The following GIPC1 variants were observed in gnomAD, a reference collection of about 807,000 sequenced individuals.
GIPC1 encodes PDZ domain-containing protein GIPC1.
In GIPC1, 15 loss-of-function variants were observed where a neutral mutation model predicts 28.5. The observed-to-expected ratio is 0.53, with a 90% CI of 0.35 to 0.81. The LOEUF (loss-of-function observed/expected upper bound fraction) is 0.81. Among genes scored for constraint, GIPC1 ranks in the 30% least tolerant of loss-of-function variants. The pLI is 0.01. For missense variants in GIPC1, 439 were observed against 481.9 expected, an observed-to-expected ratio of 0.91 and a Z score of 0.83; for synonymous variants, 224 against 206.1, an observed-to-expected ratio of 1.09 and a Z score of -0.74.
chr19:14,478,819 T>A lies in GIPC1; in HGVS notation c.769-54A>T. The A allele has an allele frequency of 7.7e-7, 1 of 1,293,814 alleles. No individual in the cohort carries two copies. Among genetic ancestry groups the A allele is most frequent in the Non-Finnish European group, 1.1e-6 (1 of 888,508 alleles). The allele number at this position is 1,293,814 out of a possible 1,614,324, so 80.1% of individuals were successfully genotyped here. A position where few individuals can be genotyped will look rare whatever the true frequency, so the allele number is the denominator to read the frequency against. On this transcript the variant is annotated intron_variant, in intron 7 of 8. Transcript: ENST00000393033. This position sits in a 1 kb window ranked among gnomAD's most constrained non-coding sequence, Gnocchi z 5.2. ...ATCATAACAATGTGAATATACATAG[T>A]AATTGGACGGACTGCCATTGTCACC...
At chr19:14,492,189 G>A (rs746479756) in intron 2 of GIPC1, among the ~76,000 whole-genome samples, 21 of 152,348 alleles carry the variant, frequency 1.4e-4, no homozygotes, top group Admixed American at 4.6e-4. Flanking sequence ...ATAGCTGTGT[G>A]ACTTTGGGCA....
Position 14,480,594 on chromosome 19 carries a change from T to C in GIPC1, c.473A>G (p.Lys158Arg), listed in dbSNP as rs779022604. 4 of 1,613,766 alleles carry C rather than the reference T, an allele frequency of 2.5e-6. No individual in the cohort carries two copies. Among genetic ancestry groups the C allele is most frequent in the Non-Finnish European group, 3.4e-6 (4 of 1,179,754 alleles). Residue 158 changes from lysine (K) to arginine (R), a missense_variant and splice_region_variant, in exon 5 of 9, where the codon AAG (lysine) becomes AGG (arginine). Transcript: ENST00000393033. ...GGGGTGCCCCGTCTCCCCAGGCACC[T>C]TGATGAAGGCGTAGCCAGCCCCGTT... Reference protein sequence around the residue: ...TDNGAGYAFIKRIKEGSVIDH... With the variant: ...TDNGAGYAFIRRIKEGSVIDH...
chr19:14,479,575 G>A lies in GIPC1; in HGVS notation c.656-51C>T, dbSNP rs80135630. 1.9e-3 allele frequency: 1,792 copies of A among 938,646 alleles called. 27 individuals are homozygous for A. The African/African-American group carries it at 0.026, about 14-fold the overall frequency. 58.1% of individuals were successfully genotyped at this position (938,646 alleles called of 1,614,324 possible). The stretch of plus-strand genomic sequence containing the variant: ...TGTGGGGGAAGCTTGGTTTTAGCAC[G>A]TTCTGGGCAGGAACTTGTCCTTCCT... On this transcript the variant is annotated intron_variant, in intron 6 of 8. Transcript: ENST00000393033.
chr19:14,478,263 G>T lies in GIPC1; in HGVS notation c.*153C>A. 2.7e-6 allele frequency: 2 copies of T among 738,964 alleles called. No individual in the cohort carries two copies. Among genetic ancestry groups the T allele is most frequent in the South Asian group, 1.9e-5 (1 of 52,398 alleles). 45.8% of individuals were successfully genotyped at this position (738,964 alleles called of 1,614,324 possible). A position where few individuals can be genotyped will look rare whatever the true frequency, so the allele number is the denominator to read the frequency against. ...GGGAGGGGATGGTACCGATTGGAGCGGGGCAGGGGGCCTGGCCCCACCTCC... is the reference window on the plus strand; with the variant it reads ...GGGAGGGGATGGTACCGATTGGAGCTGGGCAGGGGGCCTGGCCCCACCTCC... On this transcript the variant is annotated 3_prime_UTR_variant, in exon 9 of 9. Coordinates refer to ENST00000393033, the MANE Select transcript of GIPC1 (RefSeq NM_005716.4). This position sits in a 1 kb window ranked among gnomAD's most constrained non-coding sequence, Gnocchi z 5.2.
chr19:14,480,614 C>T lies in GIPC1; in HGVS notation c.453G>A (p.Gly151=), dbSNP rs1168467707. The part of the protein sequence containing the change: ...DALGLTITDN[G]AGYAFIKRIK... ...GCACCTTGATGAAGGCGTAGCCAGC[C>T]CCGTTGTCCGTGATGGTGAGCCCGA... Residue 151 remains glycine, a synonymous_variant, in exon 5 of 9, where the codon GGG becomes GGA. Coordinates refer to ENST00000393033, the MANE Select transcript of GIPC1 (RefSeq NM_005716.4). 6.2e-7 allele frequency: 1 copy of T among 1,614,146 alleles called. No homozygotes were observed.
At chr19:14,480,839 T>A in intron 4 of GIPC1, 61 bp from the exon 5 acceptor site, 3 of 1,217,874 alleles carry the variant, frequency 2.5e-6, no homozygotes, top group South Asian at 2.7e-5. Context: ...TAATCACCAC[T>A]GGAGGGCGAA....
intron 3 of GIPC1, among the ~76,000 whole-genome samples, chr19:14,488,917 T>G (rs2071904212): frequency 6.8e-6 from 1 of 147,324 alleles, no homozygotes; most frequent in Non-Finnish European, 1.5e-5. Flanking sequence ...AGGTAACAGG[T>G]TGCTATGTTT....
chr19:14,481,398 T>C (rs1469469086), intron 4 of GIPC1, among the ~76,000 whole-genome samples: 1 of 152,172 alleles, frequency 6.6e-6, no homozygotes. Context: ...TGTGCACCAC[T>C]GTACCCAGCT....
In GIPC1 at chr19:14,479,425, G is replaced by T; in HGVS notation, c.755C>A (p.Thr252Lys). The change falls in exon 7 of 9, where the codon ACG (threonine) becomes AAG (lysine). Residue 252 changes from threonine (T) to lysine (K), a missense_variant. Thr to Lys is a moderately conservative substitution (Grantham distance 78). Transcript: ENST00000393033. ...TLRLRSRGPA[T>K]VEDLPSAFEE... ...TGGAGCACTCACCAGATCCTCCACC[G>T]TGGCGGGGCCCCGGGATCGGAGCCG... The T allele has an allele frequency of 7.1e-7, 1 of 1,406,666 alleles. No homozygotes were observed. Among genetic ancestry groups the T allele is most frequent in the Non-Finnish European group, 9.3e-7 (1 of 1,073,058 alleles). 87.1% of individuals were successfully genotyped at this position (1,406,666 alleles called of 1,614,324 possible).
At position 14,478,708 on chromosome 19, in the gene GIPC1, T is replaced by G; in HGVS notation, c.826A>C (p.Met276Leu). The G allele has an allele frequency of 1.2e-6, 2 of 1,613,670 alleles. No homozygotes were observed. The highest frequency in any genetic ancestry group is 1.7e-6 in the Non-Finnish European group (2 of 1,179,848). Reference protein sequence around the residue: ...EKVDDLLESYMGIRDTELAAT... With the variant: ...EKVDDLLESYLGIRDTELAAT... ...CCCAGCTCCGTGTCCCTGATACCCA[T>G]GTAACTCTCCAGCAGGTCATCCACC... Residue 276 changes from methionine to leucine, a missense_variant, in exon 8 of 9, where the codon ATG (methionine) becomes CTG (leucine). By Grantham distance (15) the Met-to-Leu change is conservative. Transcript: ENST00000393033. The surrounding 1 kb of genome is among the most constrained non-coding windows in gnomAD (Gnocchi z 5.2).
chr19:14,484,613 G>T (rs1568364302), intron 3 of GIPC1, among the ~76,000 whole-genome samples: 1 of 151,900 alleles, frequency 6.6e-6, no homozygotes, highest in East Asian at 2.0e-4. Context: ...GGGTGTGGTG[G>T]CATGTGCCTG....
At chr19:14,489,612 A>G (rs1182713447) in intron 3 of GIPC1, 5 of 1,118,238 alleles carry the variant, frequency 4.5e-6, no homozygotes, top group Non-Finnish European at 6.9e-6. Context: ...CCTTGGAATG[A>G]GTATAAATAA....
intron 6 of GIPC1, chr19:14,479,958 G>A (rs2071688710): frequency 2.1e-6 from 1 of 469,908 alleles, no homozygotes. Flanking sequence ...GCCCATTCCT[G>A]AGAGTTAGTG....
chr19:14,480,127 C>A (rs1384260396), intron 6 of GIPC1, 178 bp downstream of exon 6: 1 of 610,966 alleles, frequency 1.6e-6, no homozygotes, highest in Non-Finnish European at 2.9e-6. Context: ...TTCTCCCAGG[C>A]TGGGCCAAGG....
chr19:14,480,865 G>A (rs1332283416), intron 4 of GIPC1, 87 bp from the exon 5 acceptor site: 2 of 951,626 alleles, frequency 2.1e-6, no homozygotes, highest in South Asian at 1.5e-5. Context: ...AGAGCTGGGA[G>A]AGGACTAGGG....
At chr19:14,479,222 G>A (rs1340782435) in intron 7 of GIPC1, among the ~76,000 whole-genome samples, 190 bp downstream of exon 7, 1 of 152,112 alleles carries the variant, frequency 6.6e-6, no homozygotes, top group Non-Finnish European at 1.5e-5. Context: ...CATGGTGGTG[G>A]GCACCTGTAA....
intron 4 of GIPC1, chr19:14,482,212 T>C (rs2071743539): frequency 5.3e-6 from 1 of 187,564 alleles, no homozygotes; most frequent in African/African-American, 2.5e-5. Flanking sequence ...TCGTCAGTTT[T>C]GCACAATCGA....
chr19:14,490,557 A>G (rs1465063494), intron 3 of GIPC1, among the ~76,000 whole-genome samples: 108 of 151,318 alleles, frequency 7.1e-4, no homozygotes, highest in Non-Finnish European at 1.2e-3. Flanking sequence ...CATGCCTGTA[A>G]TCCCAGCTAC....
rs377665012 is a variant in GIPC1 at position 14,480,797 on chromosome 19, C to A, written c.289-19G>T. 5.0e-4 allele frequency: 791 copies of A among 1,575,138 alleles called. 2 individuals are homozygous for A. Among genetic ancestry groups the A allele is most frequent in the Non-Finnish European group, 6.7e-4 (768 of 1,149,520 alleles). On this transcript the variant is annotated intron_variant, in intron 4 of 8. Coordinates refer to ENST00000393033, the MANE Select transcript of GIPC1 (RefSeq NM_005716.4). Reference sequence around the variant, plus strand: ...ACATCACCTGCAGGGGTGGGAGACGCTGAAACCTCTTCCCCCTCCCTCCCC... The same window carrying A: ...ACATCACCTGCAGGGGTGGGAGACGATGAAACCTCTTCCCCCTCCCTCCCC...
Sources: gnomAD v4.1 joint callset for allele counts (sites outside exome capture counted in the v4.1 genomes callset) on GRCh38, gnomAD v4.1.1 for gene constraint, Gnocchi (gnomAD v3.1) non-coding constraint, MANE v1.5 for transcripts, NCBI Gene and HGNC (gene_info 2026-07-23, HGNC 2026-07-21) for gene names.